Variants in MSH3 observed in about 807,000 individuals in gnomAD.
MSH3 encodes DNA mismatch repair protein Msh3.
In MSH3, 106 loss-of-function variants were observed where a neutral mutation model predicts 123.3. That is an observed-to-expected ratio of 0.86 (90% CI 0.73 to 1.01). The LOEUF (loss-of-function observed/expected upper bound fraction) is 1.01. Among genes scored for constraint, MSH3 ranks in the 50% least tolerant of loss-of-function variants. The pLI is 0.00. For synonymous variants in MSH3, 515 were observed against 481.4 expected, an observed-to-expected ratio of 1.07 and a Z score of -0.91; for missense variants, 1,459 against 1,347.6, an observed-to-expected ratio of 1.08 and a Z score of -1.29.
chr5:80,841,957 GT>G (rs1264486111), intron 20 of MSH3, among the ~76,000 whole-genome samples: 1 of 152,188 alleles, frequency 6.6e-6, no homozygotes, highest in Non-Finnish European at 1.5e-5. Context: ...TGCTTTTGGT[GT>G]TTTAGTCATG....
At chr5:80,864,173 A>T (rs1349094208) in intron 21 of MSH3, among the ~76,000 whole-genome samples, 1 of 152,192 alleles carries the variant, frequency 6.6e-6, no homozygotes. Context: ...AGAATCCATG[A>T]TATGTAGGGC....
chr5:80,717,387 C>T (rs769671933), intron 8 of MSH3, among the ~76,000 whole-genome samples: 1 of 152,108 alleles, frequency 6.6e-6, no homozygotes, highest in Non-Finnish European at 1.5e-5. Context: ...CCACCTCAGC[C>T]GCCTGAGTAG....
chr5:80,865,215 G>A (rs1746079131), intron 22 of MSH3, among the ~76,000 whole-genome samples: 2 of 151,988 alleles, frequency 1.3e-5, no homozygotes, highest in Admixed American at 6.6e-5. Flanking sequence ...GGGTGGAGGG[G>A]GCACTTAGGT....
At chr5:80,865,681 G>T (rs245340) in intron 22 of MSH3, among the ~76,000 whole-genome samples, 107,223 of 151,988 alleles carry the variant, frequency 0.71, 37,827 homozygotes, top group South Asian at 0.79. Flanking sequence ...CTGTTCAGTA[G>T]TAATTGTTTT....
At chr5:80,800,714 T>C (rs1476860249) in intron 19 of MSH3, among the ~76,000 whole-genome samples, 1 of 152,238 alleles carries the variant, frequency 6.6e-6, no homozygotes, top group Non-Finnish European at 1.5e-5. Context: ...TGTATTACAT[T>C]CATCTCTTTG....
chr5:80,704,856 C>T (rs1011489408), intron 8 of MSH3, among the ~76,000 whole-genome samples: 2 of 152,160 alleles, frequency 1.3e-5, no homozygotes, highest in Admixed American at 1.3e-4. Context: ...CCTTGTCCCT[C>T]GCTTTGGGCT....
intron 21 of MSH3, among the ~76,000 whole-genome samples, chr5:80,859,712 C>CTTTTT (rs373044585): frequency 1.5e-5 from 2 of 130,148 alleles, no homozygotes; most frequent in South Asian, 2.4e-4. Context: ...CATTTTCTCT[C>CTTTTT]TTTTTTTTTT....
chr5:80,871,331 C>T (rs558040272), intron 22 of MSH3, among the ~76,000 whole-genome samples: 70 of 152,266 alleles, frequency 4.6e-4, no homozygotes, highest in African/African-American at 1.6e-3. Flanking sequence ...CAAAACATAG[C>T]GGCTTAGAAC....
rs77592954 is a variant in MSH3, at chr5:80,663,338, A to G, written c.359-1805A>G. 5.8e-4 allele frequency among the ~76,000 whole-genome samples: 89 copies of G among 152,318 alleles called. 2 individuals carry two copies. In the East Asian group the frequency reaches 0.016, roughly 27 times the overall value. On this transcript the variant is annotated intron_variant, in intron 2 of 23. Coordinates refer to ENST00000265081, the MANE Select transcript of MSH3 (RefSeq NM_002439.5). ...TATCAGGTAAAATTGGTTTCAGGTT[A>G]CAGTAGGCAGTTTCAGCAGCTAGGC... is the stretch of plus-strand genomic sequence containing the variant.
chr5:80,688,910 C>A (rs984568454), intron 8 of MSH3, among the ~76,000 whole-genome samples: 17 of 152,036 alleles, frequency 1.1e-4, no homozygotes, highest in African/African-American at 3.9e-4. Flanking sequence ...TTAATAAGCT[C>A]AATTCTGTGG....
chr5:80,824,219 C>A (rs1745250185), intron 20 of MSH3, among the ~76,000 whole-genome samples: 1 of 152,260 alleles, frequency 6.6e-6, no homozygotes, highest in Non-Finnish European at 1.5e-5. Context: ...GTACACCTCC[C>A]AGACGGGGTG....
intron 4 of MSH3, among the ~76,000 whole-genome samples, chr5:80,671,313 T>C (rs1283312750): frequency 6.6e-6 from 1 of 152,168 alleles, no homozygotes; most frequent in Non-Finnish European, 1.5e-5. Context: ...GATTGTACAC[T>C]AGAGAGTGAT....
At chr5:80,713,444 C>T (rs535114836) in intron 8 of MSH3, among the ~76,000 whole-genome samples, 6 of 151,962 alleles carry the variant, frequency 3.9e-5, no homozygotes, top group South Asian at 2.1e-4. Flanking sequence ...ACTGAGAGAC[C>T]GAGATGACTG....
At chr5:80,799,387 A>G (rs1201428979) in intron 19 of MSH3, among the ~76,000 whole-genome samples, 1 of 151,872 alleles carries the variant, frequency 6.6e-6, no homozygotes, top group Non-Finnish European at 1.5e-5. Flanking sequence ...GGAATAAAAC[A>G]CTTTGAAACT....
chr5:80,836,160 T>A (rs1054963684), intron 20 of MSH3, among the ~76,000 whole-genome samples: 1 of 152,336 alleles, frequency 6.6e-6, no homozygotes, highest in East Asian at 1.9e-4. Flanking sequence ...AAGGAACATA[T>A]AAATTTAAAT....
chr5:80,864,749 G>A (rs1457523921), intron 21 of MSH3, 64 bp from the exon 22 acceptor site: 1 of 1,453,544 alleles, frequency 6.9e-7, no homozygotes, highest in East Asian at 2.5e-5. Context: ...GAAAGTGGAA[G>A]ACAGATTTTA....
chr5:80,672,383 G>C (rs751897975), intron 5 of MSH3, 23 bp downstream of exon 5: 1 of 1,549,098 alleles, frequency 6.5e-7, no homozygotes, highest in Admixed American at 1.7e-5. Context: ...TTTAACTTGT[G>C]GGGAAAGGAA....
At chr5:80,749,379 T>TGGA (rs1409211022) in intron 12 of MSH3, among the ~76,000 whole-genome samples, 1 of 152,306 alleles carries the variant, frequency 6.6e-6, no homozygotes, top group African/African-American at 2.4e-5. Context: ...AGGAGAAAGA[T>TGGA]GGAGGCCTCA....
chr5:80,673,670 A>C (rs568057574), intron 6 of MSH3, among the ~76,000 whole-genome samples: 2 of 152,298 alleles, frequency 1.3e-5, no homozygotes, highest in Middle Eastern at 3.4e-3. Flanking sequence ...TAAAAATTTT[A>C]TTACTTTTGA....
Sources: gnomAD v4.1 joint callset for allele counts (sites outside exome capture counted in the v4.1 genomes callset) on GRCh38, gnomAD v4.1.1 for gene constraint, MANE v1.5 for transcripts, NCBI Gene and HGNC (gene_info 2026-07-23, HGNC 2026-07-21) for gene names.